Variants in CALN1 observed in about 807,000 individuals in gnomAD.
CALN1 encodes the protein calcium-binding protein 8.
A neutral mutation model predicts 30.6 loss-of-function variants in CALN1; 17 were observed. The ratio of observed to expected loss-of-function variants is 0.56; its 90% confidence interval spans 0.38 to 0.83. The LOEUF (loss-of-function observed/expected upper bound fraction) is 0.83, where lower values mean the gene tolerates loss of function less well. CALN1 is among the 40% of genes least tolerant of loss of function. The probability of loss-of-function intolerance (pLI) is 0.00; values close to 1 mark genes in which losing one functional copy is unlikely to be tolerated. For missense variants in CALN1, 291 were observed against 354.9 expected (o/e 0.82, Z 1.45); for synonymous variants, 156 against 131.4 (o/e 1.19, Z -1.28).
intron 1 of CALN1, among the ~76,000 whole-genome samples, chr7:72,425,183 G>A (rs1320109574): frequency 6.6e-6 from 1 of 151,944 alleles, no homozygotes; most frequent in African/African-American, 2.4e-5. Context: ...GCACAATCTC[G>A]GCTCACTGCA....
At chr7:72,458,225 A>G in the CALN1 span, among the ~76,000 whole-genome samples, 5 of 103,536 alleles carry the variant, frequency 4.8e-5, no homozygotes, top group South Asian at 2.5e-4. Flanking sequence ...AATATATTAT[A>G]TAATATATTC....
intron 3 of CALN1, among the ~76,000 whole-genome samples, chr7:72,268,844 A>G (rs1302817776): frequency 6.5e-5 from 9 of 137,812 alleles, no homozygotes; most frequent in Non-Finnish European, 1.5e-4. Flanking sequence ...ATTGTAACAT[A>G]CTTCTGGGTA....
the CALN1 span, among the ~76,000 whole-genome samples, chr7:72,465,083 C>T: frequency 2.6e-5 from 4 of 152,130 alleles, no homozygotes; most frequent in Non-Finnish European, 5.9e-5. Flanking sequence ...GTCCTGGACA[C>T]AGCACAGGAC....
intron 4 of CALN1, among the ~76,000 whole-genome samples, chr7:72,096,576 G>A (rs1363419269): frequency 1.3e-5 from 2 of 152,136 alleles, no homozygotes; most frequent in Non-Finnish European, 2.9e-5. Flanking sequence ...GGAGACCGAG[G>A]AGGGCCCCTG....
chr7:71,992,802 C>T (rs1053973892), intron 5 of CALN1, among the ~76,000 whole-genome samples: 3 of 152,152 alleles, frequency 2.0e-5, no homozygotes, highest in African/African-American at 2.4e-5. Context: ...TATTAAATCT[C>T]GTTACTTAAG....
intron 3 of CALN1, among the ~76,000 whole-genome samples, chr7:72,276,839 A>ACTAT (rs1390825921): frequency 1.3e-5 from 2 of 152,204 alleles, no homozygotes; most frequent in Non-Finnish European, 2.9e-5. Flanking sequence ...CCCAGAAGGT[A>ACTAT]CTATGTTGTT....
chr7:72,499,847 TTC>T, the CALN1 span, among the ~76,000 whole-genome samples: 1 of 31,644 alleles, frequency 3.2e-5, no homozygotes, highest in East Asian at 5.9e-4. Context: ...CTTTCTTTCT[TTC>T]TTTCTTTCTT....
chr7:72,403,589 T>C lies in CALN1; in HGVS notation c.-73-147A>G, dbSNP rs188692245. The C allele has an allele frequency of 5.3e-4, 244 of 458,606 alleles. 2 individuals carry two copies. The Admixed American group carries it at 8.6e-3, about 16-fold the overall frequency. 28.4% of individuals were successfully genotyped at this position (458,606 alleles called of 1,614,324 possible). A position where few individuals can be genotyped will look rare whatever the true frequency, so the allele number is the denominator to read the frequency against. Reference sequence around the variant, plus strand: ...ACAATCCTGGCACAAGAAATATAATTACAGTTGAGACACATGTTTAGTTAT... The same window carrying C: ...ACAATCCTGGCACAAGAAATATAATCACAGTTGAGACACATGTTTAGTTAT... On this transcript the variant is annotated intron_variant, in intron 1 of 6. Coordinates refer to ENST00000395275, the MANE Select transcript of CALN1 (RefSeq NM_031468.4).
At chr7:72,322,031 C>T (rs1266875138) in intron 2 of CALN1, among the ~76,000 whole-genome samples, 1 of 152,166 alleles carries the variant, frequency 6.6e-6, no homozygotes, top group African/African-American at 2.4e-5. Context: ...GGGGATGATT[C>T]AAGCACATTC....
intron 5 of CALN1, among the ~76,000 whole-genome samples, chr7:71,961,528 T>C (rs1562938412): frequency 6.6e-6 from 1 of 152,192 alleles, no homozygotes; most frequent in Non-Finnish European, 1.5e-5. Context: ...TTGTGTACTG[T>C]ACTCCCATGG....
At chr7:72,283,167 G>T (rs1481547067) in intron 2 of CALN1, among the ~76,000 whole-genome samples, 2 of 151,942 alleles carry the variant, frequency 1.3e-5, no homozygotes, top group African/African-American at 2.4e-5. Flanking sequence ...CTGTAAGCCT[G>T]TCTCCTCTTC....
chr7:71,932,021 G>A (rs772154358), intron 5 of CALN1, among the ~76,000 whole-genome samples: 1 of 152,120 alleles, frequency 6.6e-6, no homozygotes, highest in Non-Finnish European at 1.5e-5. Context: ...TGGCAATTAA[G>A]GTGGTAGCTT....
intron 4 of CALN1, among the ~76,000 whole-genome samples, chr7:72,039,728 G>C (rs2129533573): frequency 6.6e-6 from 1 of 152,280 alleles, no homozygotes; most frequent in Admixed American, 6.5e-5. Context: ...TAAGGGAAAA[G>C]GGGGCCCAGG....
the CALN1 span, among the ~76,000 whole-genome samples, chr7:72,467,774 A>C: frequency 6.6e-5 from 10 of 152,210 alleles, no homozygotes; most frequent in South Asian, 1.2e-3. Flanking sequence ...TGACCATCTT[A>C]AAGTGAATAA....
At chr7:71,815,331 G>A (rs1788198380) in intron 5 of CALN1, among the ~76,000 whole-genome samples, 1 of 152,106 alleles carries the variant, frequency 6.6e-6, no homozygotes. Context: ...CTTGCCTGTT[G>A]ATGTCACAAG....
chr7:72,321,458 A>G (rs745539741), intron 2 of CALN1, among the ~76,000 whole-genome samples: 9 of 152,224 alleles, frequency 5.9e-5, no homozygotes, highest in Non-Finnish European at 8.8e-5. Flanking sequence ...TCTATAGGTT[A>G]CAAGTGTTCT....
intron 5 of CALN1, among the ~76,000 whole-genome samples, chr7:71,918,861 A>G (rs1322633930): frequency 6.6e-6 from 1 of 152,118 alleles, no homozygotes; most frequent in Non-Finnish European, 1.5e-5. Context: ...AGACCTCCTC[A>G]TTTGGAATTT....
At chr7:72,393,770 GAC>G (rs1805741381) in intron 2 of CALN1, among the ~76,000 whole-genome samples, 1 of 136,454 alleles carries the variant, frequency 7.3e-6, no homozygotes, top group Admixed American at 7.7e-5. Flanking sequence ...TCTATTTTGA[GAC>G]AGAGTCTCGC....
At chr7:71,829,984 T>C (rs1789163806) in intron 5 of CALN1, among the ~76,000 whole-genome samples, 1 of 151,802 alleles carries the variant, frequency 6.6e-6, no homozygotes, top group African/African-American at 2.4e-5. Flanking sequence ...TGTCTGTCTG[T>C]CTCTCTCTCC....
Sources: gnomAD v4.1 joint callset for allele counts (sites outside exome capture counted in the v4.1 genomes callset) on GRCh38, gnomAD v4.1.1 for gene constraint, MANE v1.5 for transcripts, NCBI Gene and HGNC (gene_info 2026-07-23, HGNC 2026-07-21) for gene names.